Variants in NMNAT2 observed in about 807,000 individuals in gnomAD.
NMNAT2 encodes nicotinamide nucleotide adenylyltransferase 2.
Under a neutral mutation model 41.6 loss-of-function variants are expected in NMNAT2, and 11 were observed. That is an observed-to-expected ratio of 0.26 (90% CI 0.17 to 0.44). NMNAT2 has a LOEUF of 0.44. Among genes scored for constraint, NMNAT2 ranks in the 20% least tolerant of loss-of-function variants. NMNAT2 has a pLI of 1.00. For synonymous variants in NMNAT2, 148 were observed against 151.2 expected (o/e 0.98, Z 0.16); for missense variants, 288 against 407.7 (o/e 0.71, Z 2.53).
At chr1:183,302,634 C>T (rs557394133) in intron 1 of NMNAT2, among the ~76,000 whole-genome samples, 2 of 152,260 alleles carry the variant, frequency 1.3e-5, no homozygotes, top group South Asian at 2.1e-4. Flanking sequence ...TTCACTATTG[C>T]GCTCTCACAC....
intron 4 of NMNAT2, among the ~76,000 whole-genome samples, chr1:183,288,497 G>A (rs1456353650): frequency 4.6e-5 from 7 of 152,228 alleles, no homozygotes; most frequent in Admixed American, 2.0e-4. Flanking sequence ...TCCTGGCAGA[G>A]CTTCTCTGGC....
At chr1:183,352,991 C>T (rs1424419090) in intron 1 of NMNAT2, among the ~76,000 whole-genome samples, 1 of 152,130 alleles carries the variant, frequency 6.6e-6, no homozygotes, top group Non-Finnish European at 1.5e-5. Context: ...GAGGCTCTAG[C>T]CATCTTTTTC....
At chr1:183,284,124 A>G in intron 6 of NMNAT2, 85 bp from the exon 7 acceptor site, 1 of 1,212,726 alleles carries the variant, frequency 8.2e-7, no homozygotes, top group Non-Finnish European at 1.2e-6. Flanking sequence ...CCTCAGCAGG[A>G]ATTATTGGGA....
At chr1:183,262,099 T>A (rs145327505) in intron 8 of NMNAT2, among the ~76,000 whole-genome samples, 385 of 152,036 alleles carry the variant, frequency 2.5e-3, no homozygotes, top group African/African-American at 8.3e-3. Flanking sequence ...CTAACTTTTT[T>A]AATTATTTTT....
intron 10 of NMNAT2, among the ~76,000 whole-genome samples, chr1:183,253,996 G>A (rs1660458845): frequency 3.3e-5 from 5 of 151,728 alleles, no homozygotes; most frequent in South Asian, 2.1e-4. Flanking sequence ...ATTGATGGAC[G>A]TCTAGGTTGT....
chr1:183,392,174 C>T (rs570333360), intron 1 of NMNAT2, among the ~76,000 whole-genome samples: 3 of 152,242 alleles, frequency 2.0e-5, no homozygotes, highest in South Asian at 2.1e-4. Context: ...TGTCCAAGAC[C>T]GAGCTCCTGA....
chr1:183,398,415 T>A (rs1009962004), intron 1 of NMNAT2, among the ~76,000 whole-genome samples: 3 of 152,174 alleles, frequency 2.0e-5, no homozygotes, highest in East Asian at 3.9e-4. Context: ...ATAAAGCAAG[T>A]CCTTAGAGAC....
intron 8 of NMNAT2, among the ~76,000 whole-genome samples, chr1:183,265,740 C>G (rs747668088): frequency 6.6e-6 from 1 of 152,204 alleles, no homozygotes; most frequent in Non-Finnish European, 1.5e-5. Flanking sequence ...CTGGTCCAAG[C>G]CTCTTCTGTT....
intron 1 of NMNAT2, among the ~76,000 whole-genome samples, chr1:183,417,418 A>G (rs553724786): frequency 1.3e-5 from 2 of 151,996 alleles, no homozygotes; most frequent in Non-Finnish European, 2.9e-5. Flanking sequence ...TCCGAGTGCC[A>G]TCGCCACCCT....
intron 1 of NMNAT2, among the ~76,000 whole-genome samples, chr1:183,305,977 C>T (rs1661984417): frequency 6.6e-6 from 1 of 152,176 alleles, no homozygotes; most frequent in Non-Finnish European, 1.5e-5. Context: ...CTGCTTCGGC[C>T]TCCCAAAGTG....
chr1:183,396,401 G>A (rs551942396), intron 1 of NMNAT2, among the ~76,000 whole-genome samples: 3 of 152,284 alleles, frequency 2.0e-5, no homozygotes, highest in Admixed American at 1.3e-4. Flanking sequence ...ACCTGAAGGT[G>A]GTGATCAGCA....
At chr1:183,346,702 C>T (rs1243169922) in intron 1 of NMNAT2, among the ~76,000 whole-genome samples, 4 of 152,206 alleles carry the variant, frequency 2.6e-5, no homozygotes, top group African/African-American at 7.2e-5. Flanking sequence ...CTGTCCTCAG[C>T]CCTTTTTTGT....
At chr1:183,378,042 G>A (rs1663716096) in intron 1 of NMNAT2, among the ~76,000 whole-genome samples, 1 of 151,934 alleles carries the variant, frequency 6.6e-6, no homozygotes, top group Non-Finnish European at 1.5e-5. Context: ...CTTGAAGATA[G>A]GTCAATAGAA....
chr1:183,291,772 G>A (rs955115137), intron 3 of NMNAT2, among the ~76,000 whole-genome samples: 2 of 152,156 alleles, frequency 1.3e-5, no homozygotes, highest in East Asian at 1.9e-4. Flanking sequence ...GTGTATCAAT[G>A]TATCATTGCT....
intron 1 of NMNAT2, among the ~76,000 whole-genome samples, chr1:183,350,333 C>G (rs570318194): frequency 6.6e-6 from 1 of 152,084 alleles, no homozygotes; most frequent in African/African-American, 2.4e-5. Context: ...CCTGGTCAAC[C>G]CCTGTTAATT....
At chr1:183,377,663 T>C (rs1663707467) in intron 1 of NMNAT2, among the ~76,000 whole-genome samples, 1 of 152,116 alleles carries the variant, frequency 6.6e-6, no homozygotes, top group South Asian at 2.1e-4. Context: ...TGAAAAATAT[T>C]CTCCTCATTA....
chr1:183,339,140 C>T (rs1175227677), intron 1 of NMNAT2, among the ~76,000 whole-genome samples: 2 of 152,074 alleles, frequency 1.3e-5, no homozygotes, highest in African/African-American at 4.8e-5. Context: ...CTCTGTCGCC[C>T]AGGCTGGAGT....
chr1:183,377,859 G>A (rs1169754097), intron 1 of NMNAT2, among the ~76,000 whole-genome samples: 1 of 152,110 alleles, frequency 6.6e-6, no homozygotes, highest in East Asian at 1.9e-4. Context: ...AAACTCTAAT[G>A]AAAAAAGCAA....
At chr1:183,283,924 C>T (rs1411379791) in intron 7 of NMNAT2, 71 bp downstream of exon 7, 1 of 1,457,348 alleles carries the variant, frequency 6.9e-7, no homozygotes, top group Non-Finnish European at 9.6e-7. Flanking sequence ...TCTCTGCTCC[C>T]CATGTTGCCT....
Sources: allele counts gnomAD v4.1 joint callset (sites outside exome capture counted in the v4.1 genomes callset), GRCh38; gene constraint gnomAD v4.1.1; transcripts MANE v1.5; gene names NCBI Gene and HGNC (gene_info 2026-07-23, HGNC 2026-07-21).